TEAD3: variants seen among roughly 807,000 people sequenced by gnomAD.
TEAD3 encodes TEA domain transcription factor 3.
A neutral mutation model predicts 55.6 loss-of-function variants in TEAD3; 15 were observed. That is an observed-to-expected ratio of 0.27 (90% CI 0.18 to 0.42). The LOEUF is 0.42. TEAD3 is among the 10% of genes least tolerant of loss of function. The pLI, the probability that TEAD3 is intolerant of heterozygous loss-of-function variation, is 1.00. For missense variants in TEAD3, 407 were observed against 576.8 expected (o/e 0.71, Z 3.01); for synonymous variants, 210 against 232.2 (o/e 0.90, Z 0.87).
rs1490243684 is a variant in TEAD3, at chr6:35,483,641, G to A, written c.267+919C>T. 2.0e-5 allele frequency among the ~76,000 whole-genome samples: 3 copies of A among 152,016 alleles called. No homozygotes were observed. The highest frequency in any genetic ancestry group is 2.1e-4 in the South Asian group (1 of 4,812). ...CCAGCCCTCTCTAATCCATTGTCCC[G>A]GCTGCTTGAGGGCCTTCCTCAACAG... On this transcript the variant is annotated intron_variant, in intron 3 of 12. Coordinates refer to ENST00000639578, the Ensembl canonical transcript of TEAD3. The surrounding 1 kb of genome is among the most constrained non-coding windows in gnomAD (Gnocchi z 4.5).
At chr6:35,493,346 C>T (rs79390843) in intron 1 of TEAD3, among the ~76,000 whole-genome samples, 3 of 152,268 alleles carry the variant, frequency 2.0e-5, no homozygotes, top group Non-Finnish European at 4.4e-5. Flanking sequence ...CCACAGGCCC[C>T]CAAAAGCATC....
At chr6:35,492,526 G>C (rs1768547726) in intron 1 of TEAD3, among the ~76,000 whole-genome samples, 3 of 152,140 alleles carry the variant, frequency 2.0e-5, no homozygotes, top group African/African-American at 7.2e-5. Context: ...CTCCTTCCTG[G>C]AACAGGGTCT....
rs1768332221 is a variant in TEAD3, at chr6:35,484,517, CAG to C, written c.267+41_267+42del. The C allele has an allele frequency of 6.4e-7, 1 of 1,568,384 alleles. No individual in the cohort carries two copies. Among genetic ancestry groups the C allele is most frequent in the East Asian group, 2.3e-5 (1 of 42,998 alleles). The stretch of plus-strand genomic sequence containing the variant: ...AAGGGGTTGACCGGGGCAGCTGAGA[CAG>C]AGTGTGTGGGTGGCAGGCCCAGCAT... On this transcript the variant is annotated intron_variant, in intron 3 of 12. Transcript: ENST00000639578. This position sits in a 1 kb window ranked among gnomAD's most constrained non-coding sequence, Gnocchi z 5.8.
intron 5 of TEAD3, among the ~76,000 whole-genome samples, chr6:35,478,947 T>G (rs2150911673): frequency 6.8e-6 from 1 of 147,318 alleles, no homozygotes; most frequent in South Asian, 2.2e-4. Context: ...CGGCATGATC[T>G]CGGCTCACTG....
At chr6:35,492,234 A>C (rs1024037568) in intron 1 of TEAD3, among the ~76,000 whole-genome samples, 1 of 152,302 alleles carries the variant, frequency 6.6e-6, no homozygotes, top group East Asian at 1.9e-4. Context: ...TCTGCCCTCA[A>C]ACCTGAGCTG....
rs1236905357 is a variant in TEAD3, at chr6:35,484,172, C to T, written c.267+388G>A. On this transcript the variant is annotated intron_variant, in intron 3 of 12. Transcript: ENST00000639578. The surrounding 1 kb of genome is among the most constrained non-coding windows in gnomAD (Gnocchi z 5.8). ...GTGCCCTGCACCCACCCTCTCTCAG[C>T]CCCGCCACCTTGCTCTGTACCCATC... 6.6e-6 allele frequency among the ~76,000 whole-genome samples: 1 copy of T among 152,168 alleles called. No individual in the cohort carries two copies.
intron 5 of TEAD3, among the ~76,000 whole-genome samples, chr6:35,478,877 CTTTTTTTTTTTTTTT>C: frequency 9.4e-6 from 1 of 106,740 alleles, no homozygotes; most frequent in Admixed American, 1.1e-4. Flanking sequence ...CTCCTATTTT[CTTTTTTTTTTTTTTT>C]TTTTTGAGAC....
rs1367241701 is a variant in TEAD3 at position 35,491,176 on chromosome 6, G to A, written c.-49-4465C>T. ...GGGGGACAGACCAGAGCCCCGCAGA[G>A]TGAAGGGAGAGACCCCAGGAGAGAT... On this transcript the variant is annotated intron_variant, in intron 1 of 12. Coordinates refer to ENST00000639578, the Ensembl canonical transcript of TEAD3. The surrounding 1 kb of genome is among the most constrained non-coding windows in gnomAD (Gnocchi z 4.4). 6.6e-6 allele frequency among the ~76,000 whole-genome samples: 1 copy of A among 152,004 alleles called. No homozygotes were observed.
chr6:35,484,707 C>T lies in TEAD3; in HGVS notation c.203-83G>A. On this transcript the variant is annotated intron_variant, in intron 2 of 12. Coordinates refer to ENST00000639578, the Ensembl canonical transcript of TEAD3. The surrounding 1 kb of genome is among the most constrained non-coding windows in gnomAD (Gnocchi z 5.8). ...AGGCCCCCACCCCACCGGGAAGCCA[C>T]TCCAGGACCCTCCCCAAAACACTGC... 1.7e-6 allele frequency: 2 copies of T among 1,164,148 alleles called. No individual in the cohort carries two copies. The highest frequency in any genetic ancestry group is 2.5e-6 in the Non-Finnish European group (2 of 797,052). The allele number at this position is 1,164,148 out of a possible 1,614,324, so 72.1% of individuals were successfully genotyped here.
At position 35,485,787 on chromosome 6, in the gene TEAD3, C is replaced by A. The variant is rs985467631; in HGVS notation, c.202+674G>T. On this transcript the variant is annotated intron_variant, in intron 2 of 12. Coordinates refer to ENST00000639578, the Ensembl canonical transcript of TEAD3. This position sits in a 1 kb window ranked among gnomAD's most constrained non-coding sequence, Gnocchi z 4.3. ...TCCCACAGGCGCGCCCTGGGAAGGG[C>A]TGGGCCTGCCTCGCTCAGCCACGGG... 6.6e-6 allele frequency among the ~76,000 whole-genome samples: 1 copy of A among 152,120 alleles called. No homozygotes were observed. Among genetic ancestry groups the A allele is most frequent in the Non-Finnish European group, 1.5e-5 (1 of 68,016 alleles).
chr6:35,489,777 T>C (rs866738046), intron 1 of TEAD3, among the ~76,000 whole-genome samples: 9 of 152,094 alleles, frequency 5.9e-5, no homozygotes, highest in African/African-American at 2.2e-4. Flanking sequence ...TGGGGGGTGG[T>C]GGCTCACGAC....
intron 8 of TEAD3, 113 bp downstream of exon 8, chr6:35,477,198 C>T: frequency 9.1e-7 from 1 of 1,098,888 alleles, no homozygotes; most frequent in Non-Finnish European, 1.3e-6. Flanking sequence ...GTCCCAATCT[C>T]CTGTAGATGT....
Position 35,476,357 on chromosome 6 carries a change from C to T in TEAD3, c.671G>A (p.Arg224Gln), listed in dbSNP as rs937466760. Residue 224 changes from arginine (R) to glutamine (Q), a missense_variant, in exon 9 of 13, where the codon CGG becomes CAG. Physicochemically the swap from Arg to Gln is conservative, Grantham distance 43. Transcript: ENST00000639578. ...GGCTGAATACTCCAGGAGCCGCAGCCGGGAGGAGGCAATGGTACGGTCCTG... is the reference window on the plus strand; with the variant it reads ...GGCTGAATACTCCAGGAGCCGCAGCTGGGAGGAGGCAATGGTACGGTCCTG... The T allele has an allele frequency of 8.7e-6, 14 of 1,612,628 alleles. No homozygotes were observed. Among genetic ancestry groups the T allele is most frequent in the African/African-American group, 2.7e-5 (2 of 74,998 alleles).
intron 7 of TEAD3, 75 bp from the exon 8 acceptor site, chr6:35,477,447 G>T: frequency 7.0e-7 from 1 of 1,435,148 alleles, no homozygotes; most frequent in South Asian, 1.2e-5. Flanking sequence ...CCTCTTCCAA[G>T]ACCCCAGGAG....
rs1768117999 is a variant in TEAD3, at chr6:35,475,215, G to A, written c.1195-58C>T. On this transcript the variant is annotated intron_variant, in intron 12 of 12. Coordinates refer to ENST00000639578, the Ensembl canonical transcript of TEAD3. The surrounding 1 kb of genome is among the most constrained non-coding windows in gnomAD (Gnocchi z 5.4). ...TCAGGGAGAAAAGGGCCACGGGGCA[G>A]GGGGCTGAACAGACCATTCTCCTTT... The A allele has an allele frequency of 1.9e-6, 3 of 1,574,670 alleles. No individual in the cohort carries two copies. Among genetic ancestry groups the A allele is most frequent in the African/African-American group, 1.4e-5 (1 of 73,926 alleles).
chr6:35,477,285 G>A (rs760384950), intron 8 of TEAD3, 26 bp downstream of exon 8: 21 of 1,608,906 alleles, frequency 1.3e-5, no homozygotes, highest in Non-Finnish European at 1.7e-5. Flanking sequence ...GGTGCCAAGG[G>A]AGAGCACCTC....
chr6:35,475,979 T>G lies in TEAD3; in HGVS notation c.840A>C (p.Gly280=). 6.4e-7 allele frequency: 1 copy of G among 1,560,720 alleles called. No individual in the cohort carries two copies. The highest frequency in any genetic ancestry group is 8.7e-7 in the Non-Finnish European group (1 of 1,155,074). ...CCTTCTCATAGAGCTCCTTCAATCCTCCCTTTTTCTCGGGGAATTTGTCAT... is the reference window on the plus strand; with the variant it reads ...CCTTCTCATAGAGCTCCTTCAATCCGCCCTTTTTCTCGGGGAATTTGTCAT... The change falls in exon 10 of 13, where the codon GGA becomes GGC. Residue 280 remains glycine, a synonymous_variant. Transcript: ENST00000639578. The surrounding 1 kb of genome is among the most constrained non-coding windows in gnomAD (Gnocchi z 5.4).
At chr6:35,482,822 T>C (rs1383093102) in intron 3 of TEAD3, among the ~76,000 whole-genome samples, 1 of 152,190 alleles carries the variant, frequency 6.6e-6, no homozygotes, top group Non-Finnish European at 1.5e-5. Flanking sequence ...CCACTCTGAC[T>C]AACAGGTTCC....
At chr6:35,478,200 G>A in intron 7 of TEAD3, 75 bp downstream of exon 7, 1 of 1,580,062 alleles carries the variant, frequency 6.3e-7, no homozygotes, top group Non-Finnish European at 8.6e-7. Flanking sequence ...GCTGTTGCTG[G>A]AGCCCAAATG....
Sources: allele counts gnomAD v4.1 joint callset (sites outside exome capture counted in the v4.1 genomes callset), GRCh38; gene constraint gnomAD v4.1.1; non-coding constraint Gnocchi (gnomAD v3.1); transcripts MANE v1.5; gene names NCBI Gene and HGNC (gene_info 2026-07-23, HGNC 2026-07-21).